The following INPP5D variants were observed in gnomAD, a reference collection of about 807,000 sequenced individuals.
INPP5D encodes the protein phosphatidylinositol 3,4,5-trisphosphate 5-phosphatase 1.
Under a neutral mutation model 122.9 loss-of-function variants are expected in INPP5D, and 33 were observed. That is an observed-to-expected ratio of 0.27 (90% CI 0.20 to 0.36). The LOEUF is 0.36. INPP5D is among the 10% of genes least tolerant of loss of function. The pLI is 1.00. For missense variants in INPP5D, 1,053 were observed against 1,412.7 expected, an observed-to-expected ratio of 0.75 and a Z score of 4.08; for synonymous variants, 584 against 576.2, an observed-to-expected ratio of 1.01 and a Z score of -0.19.
chr2:233,167,474 G>A (rs892133735), intron 13 of INPP5D, among the ~76,000 whole-genome samples: 13 of 152,148 alleles, frequency 8.5e-5, no homozygotes, highest in African/African-American at 2.2e-4. Context: ...CCAAGGCCCC[G>A]GGATAAGAAT....
Position 233,084,302 on chromosome 2 carries a change from G to A in INPP5D, c.198+4904G>A, listed in dbSNP as rs563469151. Among the ~76,000 whole-genome samples, 23 of 152,308 alleles carry A rather than the reference G, an allele frequency of 1.5e-4. No individual in the cohort carries two copies. In the South Asian group the frequency reaches 4.6e-3, roughly 30 times the overall value. The stretch of plus-strand genomic sequence containing the variant: ...ACGCCTGGGCTCAAGTGATCCACCC[G>A]CCTCAGCCTCCCAAAGTGTTGGGAT... On this transcript the variant is annotated intron_variant, in intron 2 of 26. Transcript: ENST00000445964.
intron 22 of INPP5D, among the ~76,000 whole-genome samples, chr2:233,191,146 G>A (rs192738556): frequency 6.6e-6 from 1 of 152,336 alleles, no homozygotes; most frequent in East Asian, 1.9e-4. Flanking sequence ...CAGGGCTGGG[G>A]AGGCCTCAGG....
At chr2:233,137,975 A>G (rs1377640544) in intron 5 of INPP5D, among the ~76,000 whole-genome samples, 2 of 140,440 alleles carry the variant, frequency 1.4e-5, no homozygotes, top group African/African-American at 5.2e-5. Context: ...TAATATAATG[A>G]GATTATATTG....
In INPP5D at chr2:233,159,414, C is replaced by T. The variant is rs143234397; in HGVS notation, c.1137+995C>T. Among the ~76,000 whole-genome samples, 1,252 of 152,218 alleles carry T rather than the reference C, an allele frequency of 8.2e-3. 17 individuals are homozygous for T. The highest frequency in any genetic ancestry group is 0.029 in the African/African-American group (1,197 of 41,548). ...ATGTCTACAAAACAAAAAAATTAGG[C>T]CAGGCACAGTGGGTGCCTTATGCCC... On this transcript the variant is annotated intron_variant, in intron 10 of 26. Transcript: ENST00000445964.
At chr2:233,090,956 C>G (rs1691974501) in intron 2 of INPP5D, among the ~76,000 whole-genome samples, 1 of 147,040 alleles carries the variant, frequency 6.8e-6, no homozygotes, top group Admixed American at 6.8e-5. Context: ...AAAATTCCGT[C>G]TCAAAGAAAA....
Position 233,060,432 on chromosome 2 carries a change from G to A in INPP5D, c.-47G>A, listed in dbSNP as rs759700714. ...CCTCCGCTCCCCTCGGTGGTGTGTG[G>A]GTCCTGGGGGTGCCTGCCGGCCCGG... is the stretch of plus-strand genomic sequence containing the variant. On this transcript the variant is annotated 5_prime_UTR_variant, in exon 1 of 27. Transcript: ENST00000445964. The A allele has an allele frequency of 7.1e-6, 11 of 1,544,644 alleles. 1 individual carries two copies. The African/African-American group carries it at 9.5e-5, about 13-fold the overall frequency.
chr2:233,177,622 G>A lies in INPP5D; in HGVS notation c.2071+276G>A, dbSNP rs1448437902. On this transcript the variant is annotated intron_variant, in intron 18 of 26. Transcript: ENST00000445964. This position sits in a 1 kb window ranked among gnomAD's most constrained non-coding sequence, Gnocchi z 4.2. ...GGAGTCTCACTCTGTCACCCAGGCT[G>A]GAGTACAATGGCATGATCTCATCTC... Among the ~76,000 whole-genome samples the A allele has an allele frequency of 2.6e-5, 4 of 152,154 alleles. No homozygotes were observed. Among genetic ancestry groups the A allele is most frequent in the South Asian group, 4.1e-4 (2 of 4,828 alleles).
At chr2:233,192,276 C>T (rs557729529) in intron 22 of INPP5D, among the ~76,000 whole-genome samples, 4 of 152,316 alleles carry the variant, frequency 2.6e-5, no homozygotes, top group South Asian at 2.1e-4. Flanking sequence ...TGTATTTCTG[C>T]GACACGGCAA....
chr2:233,203,999 T>C, intron 25 of INPP5D, 127 bp from the exon 26 acceptor site: 1 of 1,376,978 alleles, frequency 7.3e-7, no homozygotes, highest in Non-Finnish European at 9.4e-7. Context: ...TTTGCAATGT[T>C]ACATGTCTCT....
At chr2:233,165,573 C>T (rs1214722239) in intron 13 of INPP5D, among the ~76,000 whole-genome samples, 2 of 141,470 alleles carry the variant, frequency 1.4e-5, no homozygotes, top group Middle Eastern at 4.2e-3. Context: ...TGTGTCCATG[C>T]ATGTGTGTTT....
At chr2:233,196,299 A>G (rs1431000786) in intron 24 of INPP5D, among the ~76,000 whole-genome samples, 2 of 152,190 alleles carry the variant, frequency 1.3e-5, no homozygotes, top group East Asian at 3.9e-4. Flanking sequence ...TGACTGTGAC[A>G]AAGCTGGGGA....
chr2:233,163,714 C>G lies in INPP5D; in HGVS notation c.1248C>G (p.Ala416=), dbSNP rs928838082. ...TGGGTTTTGCTGTTGAAGGTAACGC[C>G]CCCCCTCCCAAGAAGATCACGTCCT... The part of the protein sequence containing the change: ...IFIGTWNMGN[A]PPPKKITSWF... Residue 416 remains alanine, a synonymous_variant, in exon 12 of 27, where the codon GCC becomes GCG. Transcript: ENST00000445964. 6.2e-7 allele frequency: 1 copy of G among 1,613,600 alleles called. No individual in the cohort carries two copies. Among genetic ancestry groups the G allele is most frequent in the Non-Finnish European group, 8.5e-7 (1 of 1,179,826 alleles).
chr2:233,063,884 G>A (rs1169522690), intron 1 of INPP5D, among the ~76,000 whole-genome samples: 1 of 152,288 alleles, frequency 6.6e-6, no homozygotes, highest in Non-Finnish European at 1.5e-5. Context: ...GAGTCTGTGG[G>A]TGCCTCCAGG....
intron 25 of INPP5D, among the ~76,000 whole-genome samples, chr2:233,201,841 T>G (rs1695348181): frequency 6.6e-6 from 1 of 152,136 alleles, no homozygotes; most frequent in Non-Finnish European, 1.5e-5. Flanking sequence ...GTACAGTCAT[T>G]TGCTGCAGGA....
intron 2 of INPP5D, among the ~76,000 whole-genome samples, chr2:233,096,384 G>T (rs1258561562): frequency 6.6e-6 from 1 of 152,184 alleles, no homozygotes; most frequent in African/African-American, 2.4e-5. Flanking sequence ...AGGCGTGGTG[G>T]TTCATGCCTA....
At chr2:233,069,939 G>C (rs188280426) in intron 1 of INPP5D, among the ~76,000 whole-genome samples, 1 of 152,098 alleles carries the variant, frequency 6.6e-6, no homozygotes, top group Non-Finnish European at 1.5e-5. Flanking sequence ...TTCCATATAT[G>C]CACCAGTAAG....
chr2:233,141,213 A>G (rs1693625191), intron 6 of INPP5D: 1 of 152,160 alleles, frequency 6.6e-6, no homozygotes, highest in Admixed American at 6.5e-5. Flanking sequence ...GCAGTTCCAT[A>G]TGTTGGCAGC....
chr2:233,122,049 G>T, intron 2 of INPP5D, 58 bp from the exon 3 acceptor site: 16 of 1,596,880 alleles, frequency 1.0e-5, no homozygotes, highest in Non-Finnish European at 1.4e-5. Flanking sequence ...TGGCCTTTGT[G>T]GTTGGCTGAC....
Position 233,133,731 on chromosome 2 carries a change from A to G in INPP5D, c.665+3083A>G, listed in dbSNP as rs144545098. 8.1e-3 allele frequency among the ~76,000 whole-genome samples: 1,233 copies of G among 152,298 alleles called. 7 individuals carry two copies. The highest frequency in any genetic ancestry group is 0.014 in the Middle Eastern group (4 of 294). ...TTAAGAGGCCCTATAGAGTTTGTGC[A>G]GGGCTGGGCCATGATCTGATTTTCA... On this transcript the variant is annotated intron_variant, in intron 5 of 26. Transcript: ENST00000445964.
Sources: gnomAD v4.1 joint callset for allele counts (sites outside exome capture counted in the v4.1 genomes callset) on GRCh38, gnomAD v4.1.1 for gene constraint, Gnocchi (gnomAD v3.1) non-coding constraint, MANE v1.5 for transcripts, NCBI Gene and HGNC (gene_info 2026-07-23, HGNC 2026-07-21) for gene names.